The following PCDHGB5 variants were observed in gnomAD, a reference collection of about 807,000 sequenced individuals.
PCDHGB5 encodes the protein protocadherin gamma subfamily B, 5, also known as protocadherin gamma-B5.
A neutral mutation model predicts 62.9 loss-of-function variants in PCDHGB5; 48 were observed. The observed-to-expected ratio is 0.76, with a 90% CI of 0.61 to 0.97. The LOEUF is 0.97. PCDHGB5 is among the 50% of genes least tolerant of loss of function. The pLI is 0.00. For synonymous variants in PCDHGB5, 474 were observed against 511.2 expected (o/e 0.93, Z 0.98); for missense variants, 1,118 against 1,198.6 (o/e 0.93, Z 0.99).
chr5:141,494,801 C>T lies in PCDHGB5; in HGVS notation c.2398-6C>T, dbSNP rs2099757031. ...CTCAGCCCCTTTCCCTCTGTTTTCTCCACAGCAAGCCCCGCCCAACACGGA... is the reference window on the plus strand; with the variant it reads ...CTCAGCCCCTTTCCCTCTGTTTTCTTCACAGCAAGCCCCGCCCAACACGGA... On this transcript the variant is annotated splice_polypyrimidine_tract_variant and splice_region_variant and intron_variant, in intron 1 of 3. Transcript: ENST00000617380. The T allele has an allele frequency of 6.2e-7, 1 of 1,614,146 alleles. No individual in the cohort carries two copies. The highest frequency in any genetic ancestry group is 2.2e-5 in the East Asian group (1 of 44,880).
In PCDHGB5 at chr5:141,486,565, T is replaced by C; in HGVS notation, c.2398-8242T>C. ...TTCAGAGGTCACATGAGGTGTTTGT[T>C]CCTGAGAACAATCGCCCAGGGGACC... On this transcript the variant is annotated intron_variant, in intron 1 of 3. Coordinates refer to ENST00000617380, the MANE Select transcript of PCDHGB5 (RefSeq NM_018925.3). The surrounding 1 kb of genome is among the most constrained non-coding windows in gnomAD (Gnocchi z 5.0). 6.2e-7 allele frequency: 1 copy of C among 1,614,024 alleles called. No homozygotes were observed. Among genetic ancestry groups the C allele is most frequent in the Non-Finnish European group, 8.5e-7 (1 of 1,180,032 alleles).
intron 1 of PCDHGB5, chr5:141,475,801 A>G: frequency 3.2e-6 from 1 of 312,546 alleles, no homozygotes. Flanking sequence ...AGGAAGCCAA[A>G]GGAAAGTGAA....
At chr5:141,482,235 T>C (rs2099554999) in intron 1 of PCDHGB5, among the ~76,000 whole-genome samples, 1 of 152,174 alleles carries the variant, frequency 6.6e-6, no homozygotes, top group Non-Finnish European at 1.5e-5. Context: ...AAATTGCCAA[T>C]ATAAGTATAG....
Position 141,476,370 on chromosome 5 carries a change from A to G in PCDHGB5, c.2398-18437A>G, listed in dbSNP as rs747703594. 13 of 1,613,882 alleles carry G rather than the reference A, an allele frequency of 8.1e-6. No individual in the cohort carries two copies. In the East Asian group the frequency reaches 2.7e-4, roughly 33 times the overall value. On this transcript the variant is annotated intron_variant, in intron 1 of 3. Transcript: ENST00000617380. This position sits in a 1 kb window ranked among gnomAD's most constrained non-coding sequence, Gnocchi z 7.6. ...TTTGAGGTGAACCGGGAGACCGGAG[A>G]GATGTTTGTGAACGACCGTCTGGAT...
chr5:141,427,694 A>T (rs758628764), intron 1 of PCDHGB5: 2 of 913,932 alleles, frequency 2.2e-6, no homozygotes, highest in Non-Finnish European at 3.5e-6. Context: ...CCTCCATCCC[A>T]CAAGTCAGCG....
chr5:141,408,185 C>G, intron 1 of PCDHGB5: 1 of 1,540,440 alleles, frequency 6.5e-7, no homozygotes, highest in Non-Finnish European at 8.8e-7. Context: ...GGGGACCCAG[C>G]GAGAACCCGA....
At chr5:141,450,792 G>T (rs1222162745) in intron 1 of PCDHGB5, among the ~76,000 whole-genome samples, 2 of 149,686 alleles carry the variant, frequency 1.3e-5, no homozygotes, top group Non-Finnish European at 3.0e-5. Context: ...CGGACCTCAT[G>T]ATTGTATTTA....
intron 3 of PCDHGB5, chr5:141,508,275 T>G (rs1030431371): frequency 6.6e-6 from 1 of 152,138 alleles, no homozygotes. Context: ...ATCCCGGTCC[T>G]TGACCAAGGT....
rs773048793 is a variant in PCDHGB5, at chr5:141,505,456, A to T, written c.2520A>T (p.Gln840His). The T allele has an allele frequency of 1.3e-5, 21 of 1,614,110 alleles. No homozygotes were observed. The highest frequency in any genetic ancestry group is 1.7e-5 in the Non-Finnish European group (20 of 1,180,044). The change falls in exon 3 of 4, where the codon CAA becomes CAT. Residue 840 changes from glutamine (Q) to histidine (H), a missense_variant. By Grantham distance (24) the Gln-to-His change is conservative (BLOSUM62 0). Coordinates refer to ENST00000617380, the MANE Select transcript of PCDHGB5 (RefSeq NM_018925.3). ...ACCAGTTTGACACAGAGATGCTGCA[A>T]GCCATGATCTTGGCGTCCGCCAGTG... ...PNNQFDTEML[Q>H]AMILASASEA...
chr5:141,427,697 A>G (rs1306378691), intron 1 of PCDHGB5: 3 of 924,392 alleles, frequency 3.2e-6, no homozygotes, highest in South Asian at 1.4e-5. Context: ...CCATCCCACA[A>G]GTCAGCGCCT....
At chr5:141,500,789 C>G (rs1006758925) in intron 2 of PCDHGB5, among the ~76,000 whole-genome samples, 2 of 152,142 alleles carry the variant, frequency 1.3e-5, no homozygotes, top group African/African-American at 4.8e-5. Flanking sequence ...TATTATTTTA[C>G]AGAATAAGTC....
rs1562144438 is a variant in PCDHGB5, at chr5:141,491,135, G to A, written c.2398-3672G>A. On this transcript the variant is annotated intron_variant, in intron 1 of 3. Transcript: ENST00000617380. The surrounding 1 kb of genome is among the most constrained non-coding windows in gnomAD (Gnocchi z 6.9). Reference sequence around the variant, plus strand: ...CACACTGGTGAGGTGCGCACAGCCCGGGCCTTACTGGAGGATGACTCTGAC... The same window carrying A: ...CACACTGGTGAGGTGCGCACAGCCCAGGCCTTACTGGAGGATGACTCTGAC... 4 of 1,614,104 alleles carry A rather than the reference G, an allele frequency of 2.5e-6. No homozygotes were observed. The highest frequency in any genetic ancestry group is 1.3e-5 in the African/African-American group (1 of 75,034).
In PCDHGB5 at chr5:141,487,844, A is replaced by T; in HGVS notation, c.2398-6963A>T. The T allele has an allele frequency of 1.9e-6, 2 of 1,043,194 alleles. No individual in the cohort carries two copies. The highest frequency in any genetic ancestry group is 2.7e-6 in the Non-Finnish European group (2 of 730,908). The allele number at this position is 1,043,194 out of a possible 1,614,324, so 64.6% of individuals were successfully genotyped here. ...CGGGTCATGCCTATATCTGAGTAAG[A>T]AATGAAAGTAATTGGTGATCAAGAG... On this transcript the variant is annotated intron_variant, in intron 1 of 3. Transcript: ENST00000617380. This position sits in a 1 kb window ranked among gnomAD's most constrained non-coding sequence, Gnocchi z 5.0.
chr5:141,478,465 C>T (rs768021356), intron 1 of PCDHGB5: 6 of 1,613,730 alleles, frequency 3.7e-6, no homozygotes, highest in Non-Finnish European at 5.1e-6. Context: ...GTCCACTGGC[C>T]AGCCGCCAGA....
chr5:141,410,462 CTG>C (rs1258642453), intron 1 of PCDHGB5: 1 of 1,613,924 alleles, frequency 6.2e-7, no homozygotes, highest in East Asian at 2.2e-5. Context: ...TTCTTATAAT[CTG>C]TGCATTGCAC....
rs538105673 is a variant in PCDHGB5, at chr5:141,427,796, C to T, written c.2397+27272C>T. On this transcript the variant is annotated intron_variant, in intron 1 of 3. Transcript: ENST00000617380. Reference sequence around the variant, plus strand: ...TGCGGGCACTGTCGTCCTACGTGTCCGTGAGCGCACAGAGCGGGGTGGTGG... The same window carrying T: ...TGCGGGCACTGTCGTCCTACGTGTCTGTGAGCGCACAGAGCGGGGTGGTGG... The T allele has an allele frequency of 3.6e-4, 547 of 1,502,104 alleles. 5 individuals carry two copies. In the South Asian group the frequency reaches 5.9e-3, roughly 16 times the overall value. The allele number at this position is 1,502,104 out of a possible 1,614,324, so 93.0% of individuals were successfully genotyped here.
chr5:141,427,955 G>A (rs749241312), intron 1 of PCDHGB5: 1 of 1,587,202 alleles, frequency 6.3e-7, no homozygotes, highest in Non-Finnish European at 8.6e-7. Context: ...ATGACAATGT[G>A]CCGCGGGTGC....
At position 141,431,389 on chromosome 5, in the gene PCDHGB5, G is replaced by A; in HGVS notation, c.2397+30865G>A. 2 of 1,613,876 alleles carry A rather than the reference G, an allele frequency of 1.2e-6. No individual in the cohort carries two copies. The highest frequency in any genetic ancestry group is 1.7e-6 in the Non-Finnish European group (2 of 1,180,040). ...GCGAAGAAAAGGCTGCTCACCACCT[G>A]GTCCTTACGGCCTCCGACGGGGGCG... On this transcript the variant is annotated intron_variant, in intron 1 of 3. Coordinates refer to ENST00000617380, the MANE Select transcript of PCDHGB5 (RefSeq NM_018925.3). This position sits in a 1 kb window ranked among gnomAD's most constrained non-coding sequence, Gnocchi z 4.8.
intron 1 of PCDHGB5, chr5:141,418,621 C>T: frequency 6.2e-7 from 1 of 1,614,034 alleles, no homozygotes; most frequent in Non-Finnish European, 8.5e-7. Flanking sequence ...TTCGGGAAGA[C>T]GTGCCTCCAG....
Sources: allele counts gnomAD v4.1 joint callset (sites outside exome capture counted in the v4.1 genomes callset), GRCh38; gene constraint gnomAD v4.1.1; non-coding constraint Gnocchi (gnomAD v3.1); transcripts MANE v1.5; gene names NCBI Gene and HGNC (gene_info 2026-07-23, HGNC 2026-07-21).